The following SETD5 variants were observed in gnomAD, a reference collection of about 807,000 sequenced individuals.
The protein encoded by SETD5 is histone-lysine N-methyltransferase SETD5.
SETD5 carries 44 observed loss-of-function variants against 153.3 expected under a neutral mutation model. The ratio of observed to expected loss-of-function variants is 0.29; its 90% CI spans 0.23 to 0.37. The LOEUF (loss-of-function observed/expected upper bound fraction) is 0.37, where lower values mean the gene tolerates loss of function less well. Ranked by LOEUF, SETD5 falls within the 10% of genes least tolerant of loss-of-function variation. SETD5 has a pLI of 1.00. For missense variants in SETD5, 1,544 were observed against 1,768.0 expected, an observed-to-expected ratio of 0.87 and a Z score of 2.27; for synonymous variants, 716 against 645.2, an observed-to-expected ratio of 1.11 and a Z score of -1.66.
chr3:9,399,448 G>C (rs2034375830), intron 1 of SETD5, among the ~76,000 whole-genome samples: 2 of 151,688 alleles, frequency 1.3e-5, no homozygotes. Flanking sequence ...TTTTCTATTG[G>C]ATTTCTTCCA....
chr3:9,442,112 T>A lies in SETD5; in HGVS notation c.960-16T>A. 1 of 1,548,198 alleles carries A rather than the reference T, an allele frequency of 6.5e-7. No individual in the cohort carries two copies. The highest frequency in any genetic ancestry group is 8.9e-7 in the Non-Finnish European group (1 of 1,126,032). On this transcript the variant is annotated splice_polypyrimidine_tract_variant and intron_variant, in intron 9 of 22. Transcript: ENST00000402198. ...ATTTGTGTTGAGAATTACAGGAATT[T>A]TAATTGTATCCCTAGACCATACCCC...
At chr3:9,429,059 C>G in intron 3 of SETD5, 50 bp downstream of exon 3, 1 of 1,358,488 alleles carries the variant, frequency 7.4e-7, no homozygotes. Flanking sequence ...TGTGTGGAGA[C>G]AGCCTTCTTA....
chr3:9,433,521 A>G (rs746690185), intron 3 of SETD5: 3 of 1,293,148 alleles, frequency 2.3e-6, no homozygotes, highest in Non-Finnish European at 3.0e-6. Context: ...AGTCTAAACC[A>G]GCCCAGAGTG....
chr3:9,421,134 A>G (rs891108527), intron 1 of SETD5, among the ~76,000 whole-genome samples: 4 of 152,086 alleles, frequency 2.6e-5, no homozygotes, highest in Non-Finnish European at 5.9e-5. Flanking sequence ...GCTAGTTGGC[A>G]GCAGTGCCAG....
intron 1 of SETD5, among the ~76,000 whole-genome samples, chr3:9,421,140 G>A (rs943237535): frequency 2.0e-5 from 3 of 151,844 alleles, no homozygotes; most frequent in Admixed American, 2.0e-4. Context: ...TGGCAGCAGT[G>A]CCAGGATTCA....
chr3:9,460,152 A>G (rs2043781325), intron 17 of SETD5, among the ~76,000 whole-genome samples: 1 of 152,086 alleles, frequency 6.6e-6, no homozygotes, highest in Admixed American at 6.5e-5. Context: ...GAGTTAATTG[A>G]AAAACTGGTA....
At position 9,476,225 on chromosome 3, in the gene SETD5, AGAAACAAGACTTGT is replaced by A; in HGVS notation, c.*136_*149del. On this transcript the variant is annotated 3_prime_UTR_variant, in exon 23 of 23. Transcript: ENST00000402198. ...GCCAGAGGATTGGGTCTGGTGGACA[AGAAACAAGACTTGT>A]GGTCACAATTGGCCTCTGGCCTTGG... is the stretch of plus-strand genomic sequence containing the variant. 8.0e-7 allele frequency: 1 copy of A among 1,252,506 alleles called. No homozygotes were observed. The allele number at this position is 1,252,506 out of a possible 1,614,324, so 77.6% of individuals were successfully genotyped here. A position where few individuals can be genotyped will look rare whatever the true frequency, so the allele number is the denominator to read the frequency against.
At chr3:9,456,480 TAA>T (rs369657820) in intron 17 of SETD5, among the ~76,000 whole-genome samples, 12 of 121,736 alleles carry the variant, frequency 9.9e-5, no homozygotes, top group African/African-American at 8.6e-5. Flanking sequence ...CTTTAAAACT[TAA>T]AAAAAAAAAA....
chr3:9,437,015 C>G (rs937886879), intron 7 of SETD5: 1 of 778,924 alleles, frequency 1.3e-6, no homozygotes, highest in African/African-American at 1.8e-5. Context: ...GTAGTTGTTG[C>G]CATTCAGTTT....
chr3:9,436,698 A>G (rs988181785), intron 7 of SETD5, among the ~76,000 whole-genome samples: 2 of 152,094 alleles, frequency 1.3e-5, no homozygotes, highest in Non-Finnish European at 2.9e-5. Context: ...ATTCTTGGTA[A>G]TAGTTTGGGG....
intron 1 of SETD5, among the ~76,000 whole-genome samples, chr3:9,409,396 GTAT>G (rs762920463): frequency 2.0e-5 from 3 of 152,124 alleles, no homozygotes; most frequent in East Asian, 1.9e-4. Context: ...CGTGAATGAA[GTAT>G]TATTATTGTG....
chr3:9,413,288 G>A (rs1451645222), intron 1 of SETD5, among the ~76,000 whole-genome samples: 1 of 152,186 alleles, frequency 6.6e-6, no homozygotes, highest in Non-Finnish European at 1.5e-5. Context: ...AGATTCTGGA[G>A]AGCATTCCTG....
At position 9,464,476 on chromosome 3, in the gene SETD5, A is replaced by G. The variant is rs1259317363; in HGVS notation, c.2528A>G (p.Asn843Ser). The G allele has an allele frequency of 1.2e-6, 2 of 1,613,976 alleles. No individual in the cohort carries two copies. The highest frequency in any genetic ancestry group is 1.7e-6 in the Non-Finnish European group (2 of 1,179,840). ...AAGTCTCGCTATCTGATGGAGCAGA[A>G]TGTCACCAAGTTACTTCGGCCTCTG... Reference protein sequence around the residue: ...KWKSRYLMEQNVTKLLRPLSP... With the variant: ...KWKSRYLMEQSVTKLLRPLSP... The change falls in exon 18 of 23, where the codon AAT becomes AGT. Residue 843 changes from asparagine to serine, a missense_variant. Transcript: ENST00000402198.
chr3:9,465,448 A>G (rs1245994082), intron 18 of SETD5, among the ~76,000 whole-genome samples: 2 of 152,228 alleles, frequency 1.3e-5, no homozygotes, highest in African/African-American at 4.8e-5. Flanking sequence ...TTGTAATTAA[A>G]ATGGACACTG....
rs757146140 is a variant in SETD5, at chr3:9,441,691, G to A, written c.909G>A (p.Gly303=). 41 of 1,613,892 alleles carry A rather than the reference G, an allele frequency of 2.5e-5. No individual in the cohort carries two copies. The highest frequency in any genetic ancestry group is 3.3e-5 in the Admixed American group (2 of 60,002). The part of the protein sequence containing the change: ...ALDTLIIEYR[G]KVMLRQQFEV... ...ACACTCTTATAATAGAGTATCGTGG[G>A]AAAGTCATGTTACGACAGCAATTTG... The change falls in exon 9 of 23, where the codon GGG becomes GGA. Residue 303 remains glycine, a synonymous_variant. Coordinates refer to ENST00000402198, the MANE Select transcript of SETD5 (RefSeq NM_001080517.3).
At chr3:9,468,413 C>G in intron 18 of SETD5, 1 of 943,122 alleles carries the variant, frequency 1.1e-6, no homozygotes, top group Non-Finnish European at 1.5e-6. Flanking sequence ...TCCCCGCCCC[C>G]GAAAAAAGTT....
At chr3:9,469,367 A>G (rs1180316819) in intron 18 of SETD5, among the ~76,000 whole-genome samples, 2 of 152,166 alleles carry the variant, frequency 1.3e-5, no homozygotes, top group Non-Finnish European at 2.9e-5. Flanking sequence ...AATACATGGG[A>G]CCTTTTTTCT....
At chr3:9,417,369 TG>T (rs2125591983) in intron 1 of SETD5, among the ~76,000 whole-genome samples, 1 of 152,308 alleles carries the variant, frequency 6.6e-6, no homozygotes, top group Admixed American at 6.5e-5. Flanking sequence ...GGCCAGGGCA[TG>T]GATTTGGACC....
At chr3:9,437,972 C>T (rs1212293377) in intron 7 of SETD5, among the ~76,000 whole-genome samples, 1 of 150,842 alleles carries the variant, frequency 6.6e-6, no homozygotes, top group East Asian at 1.9e-4. Flanking sequence ...CACTGCACTC[C>T]AGCCTGGGCA....
Sources: gnomAD v4.1 joint callset for allele counts (sites outside exome capture counted in the v4.1 genomes callset) on GRCh38, gnomAD v4.1.1 for gene constraint, MANE v1.5 for transcripts, NCBI Gene and HGNC (gene_info 2026-07-23, HGNC 2026-07-21) for gene names.